CFAP43: variants seen among roughly 807,000 people sequenced by gnomAD.
The protein encoded by CFAP43 is cilia- and flagella-associated protein 43.
CFAP43 carries 155 observed loss-of-function variants against 218.9 expected under a neutral mutation model. The ratio of observed to expected loss-of-function variants is 0.71; its 90% CI spans 0.62 to 0.81. The LOEUF is 0.81. Ranked by LOEUF, CFAP43 falls within the 30% of genes least tolerant of loss-of-function variation. The probability of loss-of-function intolerance (pLI) is 0.00; values close to 1 mark genes in which losing one functional copy is unlikely to be tolerated. For synonymous variants in CFAP43, 645 were observed against 681.3 expected, an observed-to-expected ratio of 0.95 and a Z score of 0.83; for missense variants, 1,778 against 1,954.3, an observed-to-expected ratio of 0.91 and a Z score of 1.70.
intron 8 of CFAP43, 138 bp from the exon 9 acceptor site, chr10:104,198,176 C>A: frequency 2.0e-6 from 1 of 509,556 alleles, no homozygotes; most frequent in Non-Finnish European, 3.4e-6. Context: ...CTCAGTAAGA[C>A]CTTGACCCTG....
intron 17 of CFAP43, among the ~76,000 whole-genome samples, chr10:104,180,864 C>G (rs1203204394): frequency 6.6e-6 from 1 of 152,162 alleles, no homozygotes; most frequent in Non-Finnish European, 1.5e-5. Context: ...TCAGGGTCCT[C>G]TGCATCCCTG....
At chr10:104,145,590 A>G in intron 30 of CFAP43, 26 bp from the exon 31 acceptor site, 3 of 1,504,726 alleles carry the variant, frequency 2.0e-6, no homozygotes, top group Non-Finnish European at 2.7e-6. Context: ...ACATTTGAGG[A>G]CTGCAACTTG....
intron 11 of CFAP43, 190 bp from the exon 12 acceptor site, chr10:104,192,492 G>A (rs1429549152): frequency 5.6e-6 from 3 of 535,720 alleles, no homozygotes; most frequent in Non-Finnish European, 9.7e-6. Flanking sequence ...TTAGGCCAAT[G>A]ATATTTCCAA....
At chr10:104,206,136 T>G in intron 6 of CFAP43, 106 bp from the exon 7 acceptor site, 3 of 890,058 alleles carry the variant, frequency 3.4e-6, no homozygotes, top group Non-Finnish European at 3.4e-6. Flanking sequence ...ATAAGTTGTT[T>G]TTGAATTCTC....
At chr10:104,189,119 C>A (rs959146782) in intron 12 of CFAP43, among the ~76,000 whole-genome samples, 14 of 152,188 alleles carry the variant, frequency 9.2e-5, no homozygotes, top group African/African-American at 3.4e-4. Flanking sequence ...TTTCTCCATT[C>A]ATTTCCTGAC....
intron 20 of CFAP43, among the ~76,000 whole-genome samples, chr10:104,170,536 G>C (rs79813151): frequency 2.3e-4 from 35 of 152,226 alleles, no homozygotes; most frequent in African/African-American, 8.4e-4. Flanking sequence ...GGAGAACTTG[G>C]TGCAGAATAG....
chr10:104,133,470 G>T, intron 35 of CFAP43, 150 bp downstream of exon 35: 3 of 801,536 alleles, frequency 3.7e-6, no homozygotes, highest in African/African-American at 1.8e-5. Context: ...GTAAACTGTT[G>T]GAAGAAAAAT....
At chr10:104,163,846 C>T (rs1328142239) in intron 24 of CFAP43, among the ~76,000 whole-genome samples, 2 of 152,220 alleles carry the variant, frequency 1.3e-5, no homozygotes, top group Non-Finnish European at 1.5e-5. Flanking sequence ...GCTTCTGGGC[C>T]TCCCATGAGG....
chr10:104,180,007 C>T (rs868485969), intron 17 of CFAP43, 75 bp from the exon 18 acceptor site: 3 of 1,076,094 alleles, frequency 2.8e-6, no homozygotes, highest in Non-Finnish European at 4.2e-6. Context: ...CACCCTACCA[C>T]ATGTAACTGC....
intron 6 of CFAP43, among the ~76,000 whole-genome samples, chr10:104,207,229 A>G (rs2090720997): frequency 6.6e-6 from 1 of 152,056 alleles, no homozygotes; most frequent in Non-Finnish European, 1.5e-5. Context: ...AATTTTCAAG[A>G]TGGCTTTTGG....
chr10:104,212,522 G>T (rs531307681), intron 4 of CFAP43, among the ~76,000 whole-genome samples: 1 of 152,046 alleles, frequency 6.6e-6, no homozygotes, highest in South Asian at 2.1e-4. Context: ...AAGCCAAGAG[G>T]GTTGTTGACA....
chr10:104,187,468 C>G lies in CFAP43; in HGVS notation c.1712G>C (p.Arg571Thr), dbSNP rs144198702. Residue 571 changes from arginine to threonine, a missense_variant, in exon 14 of 38, where the codon AGA becomes ACA. Transcript: ENST00000357060. ...AATGATTTCATCTTTCAGCCTTCCT[C>G]TTTCATCAGCAAAGGTTGTGGAAAC... is the stretch of plus-strand genomic sequence containing the variant. ...PQVSTTFADE[R>T]GRLKDEIIHK... 2 of 1,592,364 alleles carry G rather than the reference C, an allele frequency of 1.3e-6. No homozygotes were observed. Among genetic ancestry groups the G allele is most frequent in the South Asian group, 1.2e-5 (1 of 86,754 alleles).
intron 26 of CFAP43, among the ~76,000 whole-genome samples, chr10:104,161,404 T>C (rs2088865087): frequency 6.6e-6 from 1 of 151,776 alleles, no homozygotes; most frequent in South Asian, 2.1e-4. Context: ...CTCAGAGGGG[T>C]GTGTTGGTAT....
chr10:104,151,612 T>C lies in CFAP43; in HGVS notation c.3660+995A>G, dbSNP rs185743062. ...ATGGGGTTGTTTTTTTTCTTGTAAATTTAAGTTCCTTGTAGATGCTGGACC... is the reference window on the plus strand; with the variant it reads ...ATGGGGTTGTTTTTTTTCTTGTAAACTTAAGTTCCTTGTAGATGCTGGACC... On this transcript the variant is annotated intron_variant, in intron 28 of 37. Transcript: ENST00000357060. Among the ~76,000 whole-genome samples the C allele has an allele frequency of 2.3e-4, 35 of 152,296 alleles. 1 individual carries two copies. Among genetic ancestry groups the C allele is most frequent in the African/African-American group, 8.4e-4 (35 of 41,578 alleles).
chr10:104,194,106 A>T (rs1484735385), intron 10 of CFAP43, 92 bp from the exon 11 acceptor site: 19 of 1,472,188 alleles, frequency 1.3e-5, no homozygotes, highest in Non-Finnish European at 1.7e-5. Flanking sequence ...AAAAGCCTGC[A>T]GGATGAGAAA....
At position 104,179,065 on chromosome 10, in the gene CFAP43, T is replaced by C. The variant is rs1405787468; in HGVS notation, c.2424A>G (p.Lys808=). ...KEVNLFSKKR[K]EIKQGIKSLS... ...GTGATTTGATTCCTTGTTTTATCTC[T>C]TTCCTTTTCTTGGAAAACAGATTAA... Residue 808 remains lysine, a synonymous_variant, in exon 19 of 38, where the codon AAA becomes AAG. Coordinates refer to ENST00000357060, the MANE Select transcript of CFAP43 (RefSeq NM_025145.7). 1 of 1,613,514 alleles carries C rather than the reference T, an allele frequency of 6.2e-7. No individual in the cohort carries two copies. Among genetic ancestry groups the C allele is most frequent in the Admixed American group, 1.7e-5 (1 of 60,008 alleles).
rs1022085298 is a variant in CFAP43 at position 104,152,610 on chromosome 10, G to A, written c.3657C>T (p.Asn1219=). The A allele has an allele frequency of 6.2e-7, 1 of 1,613,400 alleles. No individual in the cohort carries two copies. ...ERRVKAEMVT[N]QEELKISNLA... is the part of the protein sequence containing the mutation. ...CATAAGTAAAGCTTTTATTTACCTG[G>A]TTGGTAACCATCTCTGCCTTCACTC... Residue 1219 remains asparagine, a synonymous_variant, in exon 28 of 38, where the codon AAC becomes AAT. Transcript: ENST00000357060.
Position 104,207,688 on chromosome 10 carries a change from T to G in CFAP43, c.872A>C (p.Lys291Thr). Residue 291 changes from lysine to threonine, a missense_variant, in exon 6 of 38, where the codon AAG (lysine) becomes ACG (threonine). Lys to Thr is a moderately conservative substitution (Grantham distance 78, BLOSUM62 -1). This residue lies in a region of CFAP43 where 1,553 missense variants were observed against 1,685.2 expected (regional missense o/e 0.92). Coordinates refer to ENST00000357060, the MANE Select transcript of CFAP43 (RefSeq NM_025145.7). ...ACCCAATGGCGATTCCTCTTCTATC[T>G]TATTAAGTACAGTCACTTGCAAGGT... ...GDTLQVTVLN[K>T]IEEESPLDRR... The G allele has an allele frequency of 6.2e-7, 1 of 1,613,898 alleles. No individual in the cohort carries two copies. The highest frequency in any genetic ancestry group is 8.5e-7 in the Non-Finnish European group (1 of 1,179,892).
chr10:104,218,347 C>CAAAAA (rs68078522), intron 3 of CFAP43, among the ~76,000 whole-genome samples: 4 of 98,604 alleles, frequency 4.1e-5, no homozygotes, highest in Non-Finnish European at 6.9e-5. Flanking sequence ...GACTGTGTCT[C>CAAAAA]AAAAAAAAAA....
Sources: allele counts gnomAD v4.1 joint callset (sites outside exome capture counted in the v4.1 genomes callset), GRCh38; gene constraint gnomAD v4.1.1; regional missense constraint gnomAD v4.1.1; transcripts MANE v1.5; gene names NCBI Gene and HGNC (gene_info 2026-07-23, HGNC 2026-07-21).